CADPS2: variants seen among roughly 807,000 people sequenced by gnomAD.
The protein encoded by CADPS2 is calcium-dependent secretion activator 2.
A neutral mutation model predicts 172.5 loss-of-function variants in CADPS2; 93 were observed. The observed-to-expected ratio is 0.54, with a 90% CI of 0.46 to 0.64. The LOEUF (loss-of-function observed/expected upper bound fraction) is 0.64. Ranked by LOEUF, CADPS2 falls within the 30% of genes least tolerant of loss-of-function variation. CADPS2 has a pLI of 0.00. For missense variants in CADPS2, 1,420 were observed against 1,565.9 expected, an observed-to-expected ratio of 0.91 and a Z score of 1.57; for synonymous variants, 546 against 555.2, an observed-to-expected ratio of 0.98 and a Z score of 0.23.
At chr7:122,378,347 T>C (rs777195403) in intron 25 of CADPS2, among the ~76,000 whole-genome samples, 10 of 152,168 alleles carry the variant, frequency 6.6e-5, no homozygotes, top group Admixed American at 1.3e-4. Flanking sequence ...GCTGTAACAA[T>C]TTATACTCCC....
chr7:122,795,194 G>A (rs564591705), intron 1 of CADPS2, among the ~76,000 whole-genome samples: 61 of 151,254 alleles, frequency 4.0e-4, no homozygotes, highest in African/African-American at 1.4e-3. Flanking sequence ...CAATTTTTTT[G>A]AAAAAATTAA....
chr7:122,618,370 T>C (rs1334672002), intron 5 of CADPS2, among the ~76,000 whole-genome samples: 1 of 151,936 alleles, frequency 6.6e-6, no homozygotes, highest in Non-Finnish European at 1.5e-5. Context: ...GAAAGAAATA[T>C]AACCTTCCTG....
chr7:122,542,077 T>C (rs58242329), intron 8 of CADPS2, among the ~76,000 whole-genome samples: 30,610 of 151,612 alleles, frequency 0.2, 3,328 homozygotes, highest in East Asian at 0.37. Context: ...TGCCAGGCAA[T>C]GTTTTAGTCA....
At chr7:122,878,757 T>C (rs1257620864) in intron 1 of CADPS2, among the ~76,000 whole-genome samples, 4 of 152,064 alleles carry the variant, frequency 2.6e-5, no homozygotes, top group Admixed American at 6.5e-5. Flanking sequence ...CTTATAGACA[T>C]ACAACCTGTA....
intron 1 of CADPS2, among the ~76,000 whole-genome samples, chr7:122,859,138 T>C (rs191809003): frequency 6.6e-6 from 1 of 152,354 alleles, no homozygotes; most frequent in African/African-American, 2.4e-5. Flanking sequence ...TTTCTTGTTT[T>C]GCTCCTAAAA....
At chr7:122,561,001 T>C (rs1414620549) in intron 7 of CADPS2, among the ~76,000 whole-genome samples, 1 of 152,168 alleles carries the variant, frequency 6.6e-6, no homozygotes, top group African/African-American at 2.4e-5. Context: ...ATATTATTCC[T>C]TAGTAACAGT....
intron 8 of CADPS2, among the ~76,000 whole-genome samples, chr7:122,528,192 G>T (rs2061438009): frequency 6.6e-6 from 1 of 151,824 alleles, no homozygotes. Flanking sequence ...AACTTAACTT[G>T]TTTGAAGGAC....
chr7:122,643,177 G>GT (rs1483765721), intron 3 of CADPS2, among the ~76,000 whole-genome samples: 76 of 152,220 alleles, frequency 5.0e-4, no homozygotes, highest in Non-Finnish European at 5.9e-5. Context: ...GCAGCCCAGT[G>GT]TTTCATTTGG....
chr7:122,862,739 A>G (rs569772670), intron 1 of CADPS2, among the ~76,000 whole-genome samples: 1 of 152,314 alleles, frequency 6.6e-6, no homozygotes, highest in East Asian at 1.9e-4. Flanking sequence ...TTTTAAAAAA[A>G]AAAGAATAAC....
At chr7:122,758,796 A>G (rs1340650330) in intron 1 of CADPS2, among the ~76,000 whole-genome samples, 1 of 152,122 alleles carries the variant, frequency 6.6e-6, no homozygotes, top group Non-Finnish European at 1.5e-5. Flanking sequence ...AGCCTTGGGG[A>G]TTAAAAACCA....
intron 3 of CADPS2, among the ~76,000 whole-genome samples, chr7:122,630,405 T>C (rs1320692756): frequency 1.3e-5 from 2 of 150,284 alleles, no homozygotes; most frequent in South Asian, 2.1e-4. Flanking sequence ...AAGATGTTCC[T>C]ATAAAAGAAC....
chr7:122,445,518 A>T (rs1323986098), intron 15 of CADPS2, among the ~76,000 whole-genome samples: 1 of 152,072 alleles, frequency 6.6e-6, no homozygotes. Flanking sequence ...GAAATATATT[A>T]ATATTTATAT....
chr7:122,873,125 A>G (rs1329740866), intron 1 of CADPS2, among the ~76,000 whole-genome samples: 4 of 152,148 alleles, frequency 2.6e-5, no homozygotes, highest in African/African-American at 9.7e-5. Context: ...TGTACTTGGC[A>G]TTTCGTTTTC....
intron 1 of CADPS2, among the ~76,000 whole-genome samples, chr7:122,797,635 G>T (rs1796668289): frequency 6.6e-6 from 1 of 152,036 alleles, no homozygotes; most frequent in South Asian, 2.1e-4. Flanking sequence ...ATAAGTGGGA[G>T]CTAAATGATG....
At chr7:122,511,737 T>C (rs1298005827) in intron 9 of CADPS2, among the ~76,000 whole-genome samples, 1 of 152,142 alleles carries the variant, frequency 6.6e-6, no homozygotes, top group African/African-American at 2.4e-5. Flanking sequence ...AAAAATCAGT[T>C]GAATGCTTTA....
At position 122,441,509 on chromosome 7, in the gene CADPS2, T is replaced by C. The variant is rs1238783491; in HGVS notation, c.2352+3A>G. 1.3e-6 allele frequency: 2 copies of C among 1,522,676 alleles called. No individual in the cohort carries two copies. The highest frequency in any genetic ancestry group is 1.4e-5 in the African/African-American group (1 of 71,600). The allele number at this position is 1,522,676 out of a possible 1,614,324, so 94.3% of individuals were successfully genotyped here. A position where few individuals can be genotyped will look rare whatever the true frequency, so the allele number is the denominator to read the frequency against. ...GTATTTATAAAGTAATGTTCAAACA[T>C]ACCCTTTCAAGTAATGAAAGTGTAG... is the stretch of plus-strand genomic sequence containing the variant. On this transcript the variant is annotated splice_donor_region_variant and intron_variant, in intron 16 of 29. Coordinates refer to ENST00000449022, the MANE Select transcript of CADPS2 (RefSeq NM_017954.11).
At chr7:122,700,755 C>T (rs1226775043) in intron 2 of CADPS2, among the ~76,000 whole-genome samples, 3 of 152,098 alleles carry the variant, frequency 2.0e-5, no homozygotes, top group South Asian at 2.1e-4. Flanking sequence ...AAAAGAGAAG[C>T]ATTTACTAAG....
At chr7:122,674,009 G>A (rs934034475) in intron 2 of CADPS2, among the ~76,000 whole-genome samples, 7 of 152,122 alleles carry the variant, frequency 4.6e-5, no homozygotes, top group Admixed American at 2.0e-4. Flanking sequence ...GAACTCCAGC[G>A]CGGCTCGGGC....
intron 8 of CADPS2, among the ~76,000 whole-genome samples, chr7:122,552,336 A>G (rs1013418149): frequency 6.6e-6 from 1 of 152,150 alleles, no homozygotes; most frequent in African/African-American, 2.4e-5. Context: ...TGTATCTCTT[A>G]GCAATGTTAG....
Sources: allele counts gnomAD v4.1 joint callset (sites outside exome capture counted in the v4.1 genomes callset), GRCh38; gene constraint gnomAD v4.1.1; transcripts MANE v1.5; gene names NCBI Gene and HGNC (gene_info 2026-07-23, HGNC 2026-07-21).